PUS10: variants seen among roughly 807,000 people sequenced by gnomAD.
PUS10 encodes the protein pseudouridine synthase 10, also known as tRNA pseudouridine synthase Pus10.
Under a neutral mutation model 75.0 loss-of-function variants are expected in PUS10, and 59 were observed. The ratio of observed to expected loss-of-function variants is 0.79; its 90% CI spans 0.64 to 0.98. The LOEUF is 0.98. PUS10 is among the 50% of genes least tolerant of loss of function. PUS10 has a pLI of 0.00. For missense variants in PUS10, 650 were observed against 614.4 expected (o/e 1.06, Z -0.61); for synonymous variants, 219 against 211.6 (o/e 1.03, Z -0.30).
chr2:61,013,511 CT>C, intron 1 of PUS10, among the ~76,000 whole-genome samples: 1 of 152,260 alleles, frequency 6.6e-6, no homozygotes, highest in South Asian at 2.1e-4. Flanking sequence ...ACAATTTCCC[CT>C]GTTATCATTA....
Position 61,008,790 on chromosome 2 carries a change from C to T in PUS10, c.352G>A (p.Glu118Lys), listed in dbSNP as rs1301093977. 5 of 1,589,248 alleles carry T rather than the reference C, an allele frequency of 3.1e-6. No individual in the cohort carries two copies. Among genetic ancestry groups the T allele is most frequent in the Non-Finnish European group, 4.3e-6 (5 of 1,167,874 alleles). Residue 118 changes from glutamate to lysine, a missense_variant, in exon 3 of 18, where the codon GAA (glutamate) becomes AAA (lysine). Physicochemically the swap from Glu to Lys is moderately conservative, Grantham distance 56. Coordinates refer to ENST00000316752, the MANE Select transcript of PUS10 (RefSeq NM_144709.4). ...TTAATGAAATCTTTCTCACAGAATT[C>T]TTGAAGAATTCCTAGGCATACATTA... Reference protein sequence around the residue: ...VCNVCLGILQEFCEKDFIKKV... With the variant: ...VCNVCLGILQKFCEKDFIKKV...
chr2:60,998,706 G>A (rs889439010), intron 4 of PUS10: 4 of 150,840 alleles, frequency 2.7e-5, no homozygotes, highest in African/African-American at 9.8e-5. Context: ...AAAAAAAGAA[G>A]ACAATTTCTT....
chr2:60,974,848 G>A (rs1676934657), intron 4 of PUS10, among the ~76,000 whole-genome samples: 1 of 152,220 alleles, frequency 6.6e-6, no homozygotes, highest in African/African-American at 2.4e-5. Context: ...GCTTGCCCTT[G>A]GCAGGCATCA....
chr2:60,967,519 C>A lies in PUS10; in HGVS notation c.598G>T (p.Val200Phe), dbSNP rs1469201791. ...CCCAATACCTTTCCATCAATGGGAA[C>A]ACCCAGTTCCTCTGAAAACAGGGGG... ...THPLFSEELG[V>F]PIDGKSLFEV... The change falls in exon 6 of 18, where the codon GTT (valine) becomes TTT (phenylalanine). Residue 200 changes from valine (V) to phenylalanine (F), a missense_variant. Coordinates refer to ENST00000316752, the MANE Select transcript of PUS10 (RefSeq NM_144709.4). The A allele has an allele frequency of 3.8e-6, 6 of 1,598,528 alleles. No individual in the cohort carries two copies. The highest frequency in any genetic ancestry group is 5.1e-6 in the Non-Finnish European group (6 of 1,169,862).
chr2:60,984,327 A>G (rs1413359734), intron 4 of PUS10, among the ~76,000 whole-genome samples: 3 of 152,216 alleles, frequency 2.0e-5, no homozygotes, highest in African/African-American at 4.8e-5. Flanking sequence ...GTAAACATAT[A>G]AAAAGATGTA....
rs1313224138 is a variant in PUS10, at chr2:61,017,743, G to A, written c.-16+265C>T. On this transcript the variant is annotated intron_variant, in intron 1 of 17. Coordinates refer to ENST00000316752, the MANE Select transcript of PUS10 (RefSeq NM_144709.4). ...ACAGTCAGGGGTAGGAGCGGGAGCC[G>A]AGAGGAGGCGGAGGAGATGGCGTCC... is the stretch of plus-strand genomic sequence containing the variant. 5.8e-6 allele frequency: 9 copies of A among 1,547,102 alleles called. No homozygotes were observed. The East Asian group carries it at 2.0e-4, about 34-fold the overall frequency.
chr2:61,001,144 A>C (rs2104644567), intron 4 of PUS10, among the ~76,000 whole-genome samples: 1 of 152,338 alleles, frequency 6.6e-6, no homozygotes, highest in East Asian at 1.9e-4. Context: ...CAAATAGCAG[A>C]TCTATCCATG....
intron 4 of PUS10, among the ~76,000 whole-genome samples, chr2:60,982,238 G>A (rs1213895528): frequency 6.6e-6 from 1 of 151,640 alleles, no homozygotes; most frequent in Non-Finnish European, 1.5e-5. Flanking sequence ...CTTGATCCCT[G>A]GATTTATTTA....
intron 4 of PUS10, among the ~76,000 whole-genome samples, chr2:60,990,067 T>C (rs1207632942): frequency 1.3e-5 from 2 of 152,188 alleles, no homozygotes; most frequent in East Asian, 3.9e-4. Flanking sequence ...TAGCAACACA[T>C]ATTGATATTC....
chr2:60,983,692 T>C (rs186175974), intron 4 of PUS10, among the ~76,000 whole-genome samples: 99 of 151,816 alleles, frequency 6.5e-4, no homozygotes, highest in African/African-American at 2.2e-3. Flanking sequence ...AAAAAAAAAT[T>C]AGATAAAGTG....
At chr2:60,954,904 G>A (rs1675555383) in intron 12 of PUS10, 114 bp downstream of exon 12, 4 of 607,140 alleles carry the variant, frequency 6.6e-6, no homozygotes, top group Non-Finnish European at 1.1e-5. Context: ...CCTTGGAGAA[G>A]CTCTGGGCCT....
rs904849193 is a variant in PUS10 at position 60,941,093 on chromosome 2, G to A, written c.*1302C>T. On this transcript the variant is annotated 3_prime_UTR_variant, in exon 18 of 18. Coordinates refer to ENST00000316752, the MANE Select transcript of PUS10 (RefSeq NM_144709.4). ...TGTATTCTTAAAAAAAGCTCAAATA[G>A]TTGAATTAGGGTGATGGAAATTATA... 5 of 152,222 alleles carry A rather than the reference G, an allele frequency of 3.3e-5. No homozygotes were observed. The South Asian group carries it at 6.2e-4, about 19-fold the overall frequency. 9.4% of individuals were successfully genotyped at this position (152,222 alleles called of 1,614,324 possible).
chr2:60,995,349 A>G (rs905835640), intron 4 of PUS10, among the ~76,000 whole-genome samples: 3 of 152,192 alleles, frequency 2.0e-5, no homozygotes, highest in Non-Finnish European at 4.4e-5. Context: ...ATAACTACAC[A>G]TTATGGTGGT....
At chr2:60,944,289 T>C in intron 17 of PUS10, 1 of 891,166 alleles carries the variant, frequency 1.1e-6, no homozygotes, top group Non-Finnish European at 1.3e-6. Context: ...GAATTGCTGG[T>C]AAGGAAGTAA....
intron 7 of PUS10, 87 bp from the exon 8 acceptor site, chr2:60,965,190 G>A (rs1028609712): frequency 1.5e-6 from 2 of 1,334,260 alleles, no homozygotes. Context: ...CAAAATGGCT[G>A]CTAAACTCAG....
intron 4 of PUS10, among the ~76,000 whole-genome samples, chr2:60,991,408 A>G (rs1447371161): frequency 6.6e-6 from 1 of 152,208 alleles, no homozygotes; most frequent in Non-Finnish European, 1.5e-5. Context: ...TAAGAGATAC[A>G]AGGAATCCAA....
At chr2:60,998,561 C>A (rs1208460710) in intron 4 of PUS10, among the ~76,000 whole-genome samples, 1 of 151,988 alleles carries the variant, frequency 6.6e-6, no homozygotes, top group East Asian at 1.9e-4. Context: ...TGGTGGCATG[C>A]ACCTGTAGTC....
At chr2:60,968,539 T>C (rs1008421103) in intron 5 of PUS10, among the ~76,000 whole-genome samples, 8 of 152,004 alleles carry the variant, frequency 5.3e-5, no homozygotes, top group Admixed American at 1.3e-4. Flanking sequence ...CATTGTAATT[T>C]AAGACCAAAA....
intron 5 of PUS10, 21 bp downstream of exon 5, chr2:60,971,502 T>TGGGA: frequency 1.2e-6 from 2 of 1,610,334 alleles, no homozygotes; most frequent in Non-Finnish European, 1.7e-6. Flanking sequence ...GTAGTAAAAA[T>TGGGA]TCCCTACCTA....
Sources: gnomAD v4.1 joint callset for allele counts (sites outside exome capture counted in the v4.1 genomes callset) on GRCh38, gnomAD v4.1.1 for gene constraint, MANE v1.5 for transcripts, NCBI Gene and HGNC (gene_info 2026-07-23, HGNC 2026-07-21) for gene names.